PCDH7: variants seen among roughly 807,000 people sequenced by gnomAD.
The protein encoded by PCDH7 is protocadherin 7.
A neutral mutation model predicts 58.9 loss-of-function variants in PCDH7; 17 were observed. The observed-to-expected ratio is 0.29, with a 90% confidence interval of 0.20 to 0.43. The LOEUF is 0.43. Among genes scored for constraint, PCDH7 ranks in the 20% least tolerant of loss-of-function variants. The pLI, the probability that PCDH7 is intolerant of heterozygous loss-of-function variation, is 1.00. For missense variants in PCDH7, 1,274 were observed against 1,441.0 expected, an observed-to-expected ratio of 0.88 and a Z score of 1.88; for synonymous variants, 664 against 616.4, an observed-to-expected ratio of 1.08 and a Z score of -1.14.
intron 1 of PCDH7, among the ~76,000 whole-genome samples, chr4:30,796,066 C>T (rs944014454): frequency 2.0e-5 from 3 of 152,220 alleles, no homozygotes; most frequent in East Asian, 1.9e-4. Context: ...TAAAAGGTGT[C>T]AGGCTGTTGT....
intron 1 of PCDH7, among the ~76,000 whole-genome samples, chr4:30,914,759 C>G (rs1742208421): frequency 6.6e-6 from 1 of 152,136 alleles, no homozygotes. Context: ...TATAAACTAT[C>G]TCATTAATTC....
At chr4:30,788,696 T>G (rs754810901) in intron 1 of PCDH7, among the ~76,000 whole-genome samples, 4 of 152,050 alleles carry the variant, frequency 2.6e-5, no homozygotes, top group Non-Finnish European at 4.4e-5. Flanking sequence ...CTTAGACACT[T>G]AAGATAAACA....
rs544855356 is a variant in PCDH7 at position 30,837,192 on chromosome 4, T to A, written c.71-82961T>A. On this transcript the variant is annotated intron_variant, in intron 1 of 3. Transcript: ENST00000509759. ...GCAAATATGCACCAAAGCACTGGAT[T>A]AGACCTGTGCAGAAATTATTAAAAT... Among the ~76,000 whole-genome samples the A allele has an allele frequency of 2.0e-5, 3 of 152,236 alleles. No homozygotes were observed. The East Asian group carries it at 5.8e-4, about 29-fold the overall frequency.
chr4:31,035,666 G>A (rs1755350913), intron 3 of PCDH7, among the ~76,000 whole-genome samples: 2 of 152,280 alleles, frequency 1.3e-5, no homozygotes, highest in African/African-American at 2.4e-5. Context: ...CATGACATTA[G>A]AATATAATTC....
At chr4:30,894,568 T>C (rs1191318730) in intron 1 of PCDH7, among the ~76,000 whole-genome samples, 2 of 98,380 alleles carry the variant, frequency 2.0e-5, no homozygotes, top group Non-Finnish European at 3.9e-5. Context: ...CATATATACA[T>C]ATACACACAC....
At chr4:31,112,512 A>G (rs73218831) in intron 3 of PCDH7, among the ~76,000 whole-genome samples, 2,177 of 152,310 alleles carry the variant, frequency 0.014, 25 homozygotes, top group Middle Eastern at 0.048. Flanking sequence ...GAGGCAAAAC[A>G]TTTTGAAATA....
intron 1 of PCDH7, among the ~76,000 whole-genome samples, chr4:30,845,012 C>T (rs1731731158): frequency 6.6e-6 from 1 of 152,106 alleles, no homozygotes; most frequent in Admixed American, 6.6e-5. Flanking sequence ...TTTCCCCTTC[C>T]ACTGACACCA....
At position 31,011,062 on chromosome 4, in the gene PCDH7, G is replaced by A. The variant is rs188040144; in HGVS notation, c.*7+60847G>A. Among the ~76,000 whole-genome samples, 258 of 151,816 alleles carry A rather than the reference G, an allele frequency of 1.7e-3. 2 individuals are homozygous for A. The highest frequency in any genetic ancestry group is 5.8e-3 in the African/African-American group (241 of 41,464). ...AAAATCAAGCCCATCATTTTTCTGTGGGTTTCTATAATATGTATAAGATCC... is the reference window on the plus strand; with the variant it reads ...AAAATCAAGCCCATCATTTTTCTGTAGGTTTCTATAATATGTATAAGATCC... On this transcript the variant is annotated intron_variant, in intron 3 of 3. Coordinates refer to the PCDH7 transcript ENST00000509759.
intron 1 of PCDH7, among the ~76,000 whole-genome samples, chr4:30,748,073 T>TACA (rs1242994200): frequency 5.3e-5 from 8 of 152,346 alleles, no homozygotes; most frequent in African/African-American, 1.9e-4. Flanking sequence ...TATTCTCATA[T>TACA]ACAAGGCTGT....
intron 1 of PCDH7, among the ~76,000 whole-genome samples, chr4:30,894,059 T>C (rs1251361633): frequency 2.0e-5 from 3 of 152,154 alleles, no homozygotes; most frequent in African/African-American, 7.2e-5. Flanking sequence ...AATTTTCTGA[T>C]AATAAATTAT....
In PCDH7 at chr4:30,951,862, C is replaced by T. The variant is rs540225722; in HGVS notation, c.*7+1647C>T. Among the ~76,000 whole-genome samples the T allele has an allele frequency of 1.4e-4, 21 of 152,312 alleles. No individual in the cohort carries two copies. The South Asian group carries it at 4.4e-3, about 32-fold the overall frequency. ...TCCCCAGGAAAGCAGTACTCTCGTT[C>T]ATGCTCACCTCTTGAGTTACTAGAG... On this transcript the variant is annotated intron_variant, in intron 3 of 3. Coordinates refer to the PCDH7 transcript ENST00000509759.
chr4:30,814,746 T>C (rs759140128), intron 1 of PCDH7, among the ~76,000 whole-genome samples: 11 of 152,192 alleles, frequency 7.2e-5, no homozygotes, highest in Non-Finnish European at 1.6e-4. Context: ...AAACTTTATA[T>C]GATGGATTAA....
chr4:31,115,604 A>C (rs949499084), intron 3 of PCDH7, among the ~76,000 whole-genome samples: 1 of 152,170 alleles, frequency 6.6e-6, no homozygotes, highest in African/African-American at 2.4e-5. Flanking sequence ...TTTCTCTTAA[A>C]TTTTACTATC....
chr4:31,025,170 T>C (rs951736855), intron 3 of PCDH7, among the ~76,000 whole-genome samples: 28 of 152,230 alleles, frequency 1.8e-4, no homozygotes, highest in Non-Finnish European at 4.4e-5. Flanking sequence ...CAATTCTGTG[T>C]CATTTTCTCT....
At chr4:30,784,156 T>C (rs1723124380) in intron 1 of PCDH7, among the ~76,000 whole-genome samples, 1 of 152,172 alleles carries the variant, frequency 6.6e-6, no homozygotes, top group South Asian at 2.1e-4. Context: ...AATTAGCTGA[T>C]TCAAATCAAA....
intron 1 of PCDH7, among the ~76,000 whole-genome samples, chr4:30,765,125 C>CCTTTTTTTTTTT (rs1720563732): frequency 2.0e-5 from 1 of 49,198 alleles, no homozygotes; most frequent in Non-Finnish European, 3.6e-5. Flanking sequence ...ACTTCAGATG[C>CCTTTTTTTTTTT]TTTTTTTTTT....
At chr4:30,737,800 A>G (rs1716513605), downstream of PCDH7, among the ~76,000 whole-genome samples, 1 of 152,226 alleles carries the variant, frequency 6.6e-6, no homozygotes, top group African/African-American at 2.4e-5. Flanking sequence ...CAATAGTTTG[A>G]TAACATTCTT....
exon 2 of PCDH7, chr4:30,731,606 T>C (rs1215450470): frequency 6.6e-6 from 1 of 152,144 alleles, no homozygotes; most frequent in Non-Finnish European, 1.5e-5. Flanking sequence ...GGAAGGAATA[T>C]GTGGCTTTCT....
In PCDH7 at chr4:30,792,917, G is replaced by T. The variant is rs188358779; in HGVS notation, c.70+68321G>T. On this transcript the variant is annotated intron_variant, in intron 1 of 3. Coordinates refer to the PCDH7 transcript ENST00000509759. ...GGGTACAGTATTCTAACATTCTGCT[G>T]GTTAACTTTTAAAAAACCCTGCATA... Among the ~76,000 whole-genome samples, 551 of 152,042 alleles carry T rather than the reference G, an allele frequency of 3.6e-3. 4 individuals carry two copies. The highest frequency in any genetic ancestry group is 5.6e-3 in the Non-Finnish European group (378 of 67,984).
Sources: gnomAD v4.1 joint callset for allele counts (sites outside exome capture counted in the v4.1 genomes callset) on GRCh38, gnomAD v4.1.1 for gene constraint, MANE v1.5 for transcripts, NCBI Gene and HGNC (gene_info 2026-07-23, HGNC 2026-07-21) for gene names.